The following ALX4 variants were observed in gnomAD, a reference collection of about 807,000 sequenced individuals.
ALX4 encodes the protein ALX homeobox 4, also known as homeobox protein aristaless-like 4.
ALX4 carries 22 observed loss-of-function variants against 40.6 expected under a neutral mutation model. That is an observed-to-expected ratio of 0.54 (90% CI 0.39 to 0.77). The LOEUF (loss-of-function observed/expected upper bound fraction) is 0.77. Ranked by LOEUF, ALX4 falls within the 30% of genes least tolerant of loss-of-function variation. The pLI is 0.00. For missense variants in ALX4, 556 were observed against 564.8 expected, an observed-to-expected ratio of 0.98 and a Z score of 0.16; for synonymous variants, 266 against 240.5, an observed-to-expected ratio of 1.11 and a Z score of -0.98.
intron 1 of ALX4, among the ~76,000 whole-genome samples, chr11:44,296,967 C>T (rs1424689893): frequency 6.9e-6 from 1 of 145,904 alleles, no homozygotes; most frequent in Non-Finnish European, 1.5e-5. Flanking sequence ...TGAGATTGCA[C>T]CATTTCATTC....
intron 1 of ALX4, among the ~76,000 whole-genome samples, chr11:44,286,332 T>C (rs1278929268): frequency 2.6e-5 from 4 of 151,494 alleles, no homozygotes; most frequent in African/African-American, 9.7e-5. Context: ...CAGGGAGGGG[T>C]ATGAGAAGAG....
At chr11:44,265,878 G>A (rs1300923399) in intron 3 of ALX4, among the ~76,000 whole-genome samples, 3 of 152,196 alleles carry the variant, frequency 2.0e-5, no homozygotes, top group Non-Finnish European at 1.5e-5. Flanking sequence ...TCTTCCATCT[G>A]TGCCACTGGG....
chr11:44,301,188 A>C (rs1379462321), intron 1 of ALX4, among the ~76,000 whole-genome samples: 1 of 152,244 alleles, frequency 6.6e-6, no homozygotes, highest in Non-Finnish European at 1.5e-5. Flanking sequence ...CTGTGAAATA[A>C]GACATGTGGG....
chr11:44,307,344 G>A (rs928571292), intron 1 of ALX4, among the ~76,000 whole-genome samples: 5 of 152,216 alleles, frequency 3.3e-5, no homozygotes, highest in Admixed American at 1.3e-4. Flanking sequence ...GGGCAGTAGC[G>A]GGTCAAGTGG....
chr11:44,307,536 G>A lies in ALX4; in HGVS notation c.466+2061C>T, dbSNP rs1417893613. On this transcript the variant is annotated intron_variant, in intron 1 of 3. Transcript: ENST00000652299. ...TCCTTAGGCTCTCTTCTTGCCTAAT[G>A]TATCAGCCTCTTCAGAGGTCTCACT... Among the ~76,000 whole-genome samples the A allele has an allele frequency of 2.0e-5, 3 of 152,244 alleles. No individual in the cohort carries two copies. In the East Asian group the frequency reaches 5.8e-4, roughly 29 times the overall value.
intron 1 of ALX4, among the ~76,000 whole-genome samples, chr11:44,295,244 G>A (rs1259041534): frequency 6.6e-6 from 1 of 152,174 alleles, no homozygotes; most frequent in African/African-American, 2.4e-5. Flanking sequence ...AGAAACTGAG[G>A]CAAAGAGGTC....
Position 44,307,773 on chromosome 11 carries a change from GAA to G in ALX4, c.466+1822_466+1823del, listed in dbSNP as rs35752761. 2.9e-3 allele frequency among the ~76,000 whole-genome samples: 438 copies of G among 152,292 alleles called. 6 individuals are homozygous for G. Among genetic ancestry groups the G allele is most frequent in the African/African-American group, 9.8e-3 (409 of 41,572 alleles). On this transcript the variant is annotated intron_variant, in intron 1 of 3. Coordinates refer to ENST00000652299, the MANE Select transcript of ALX4 (RefSeq NM_021926.4). ...TGAGAGTCTCTGCTGGCTTAGCACGGAAAGAGTGCCTGTATGAGAGCTGTGTG... is the reference window on the plus strand; with the variant it reads ...TGAGAGTCTCTGCTGGCTTAGCACGGAGAGTGCCTGTATGAGAGCTGTGTG...
At chr11:44,287,916 C>T (rs558619842) in intron 1 of ALX4, among the ~76,000 whole-genome samples, 3 of 152,358 alleles carry the variant, frequency 2.0e-5, no homozygotes, top group East Asian at 3.9e-4. Flanking sequence ...TCAGGGCCTA[C>T]ACACACTGAA....
chr11:44,271,324 T>G (rs889154746), intron 2 of ALX4, among the ~76,000 whole-genome samples: 2 of 152,068 alleles, frequency 1.3e-5, no homozygotes, highest in Non-Finnish European at 2.9e-5. Flanking sequence ...GACTCAGGAG[T>G]CCCGGATTCC....
rs544585965 is a variant in ALX4 at position 44,264,699 on chromosome 11, G to A, written c.*155C>T. ...TGCCCCCTCCCTCCCAGCAGTCCACGGGGCCTCAGACTTGGGGCGGCTGAA... is the reference window on the plus strand; with the variant it reads ...TGCCCCCTCCCTCCCAGCAGTCCACAGGGCCTCAGACTTGGGGCGGCTGAA... On this transcript the variant is annotated 3_prime_UTR_variant, in exon 4 of 4. Transcript: ENST00000652299. 64 of 816,156 alleles carry A rather than the reference G, an allele frequency of 7.8e-5. No homozygotes were observed. In the African/African-American group the frequency reaches 8.4e-4, roughly 11 times the overall value. The allele number at this position is 816,156 out of a possible 1,614,324, so 50.6% of individuals were successfully genotyped here.
At chr11:44,308,634 C>A (rs1312260652) in intron 1 of ALX4, among the ~76,000 whole-genome samples, 2 of 152,256 alleles carry the variant, frequency 1.3e-5, no homozygotes, top group Non-Finnish European at 2.9e-5. Flanking sequence ...GAGTGTCTCT[C>A]TCTCCCGGGC....
intron 1 of ALX4, among the ~76,000 whole-genome samples, chr11:44,304,312 A>G (rs2119903388): frequency 6.6e-6 from 1 of 152,288 alleles, no homozygotes; most frequent in Non-Finnish European, 1.5e-5. Flanking sequence ...CCCCACCCCA[A>G]ACCGTTGCCT....
At chr11:44,309,210 C>CCCCGCAGT (rs1183316671) in intron 1 of ALX4, among the ~76,000 whole-genome samples, 8 of 151,564 alleles carry the variant, frequency 5.3e-5, no homozygotes, top group African/African-American at 1.9e-4. Flanking sequence ...AGCCCCGCAG[C>CCCCGCAGT]CCCGCAGCCC....
At chr11:44,272,005 C>T (rs114359239) in intron 2 of ALX4, among the ~76,000 whole-genome samples, 2,035 of 152,348 alleles carry the variant, frequency 0.013, 47 homozygotes, top group African/African-American at 0.046. Flanking sequence ...TCTCTACCTA[C>T]ACCTGTGGGT....
chr11:44,271,313 C>A (rs573011469), intron 2 of ALX4, among the ~76,000 whole-genome samples: 1 of 152,226 alleles, frequency 6.6e-6, no homozygotes, highest in Admixed American at 6.5e-5. Flanking sequence ...CACTAGGCTG[C>A]GACTCAGGAG....
At chr11:44,279,880 G>A (rs1309132480) in intron 1 of ALX4, among the ~76,000 whole-genome samples, 1 of 151,934 alleles carries the variant, frequency 6.6e-6, no homozygotes, top group African/African-American at 2.4e-5. Context: ...GCTCAGCACA[G>A]GATAGGTCAG....
At chr11:44,280,463 C>T (rs1224446326) in intron 1 of ALX4, among the ~76,000 whole-genome samples, 2 of 152,218 alleles carry the variant, frequency 1.3e-5, no homozygotes, top group Non-Finnish European at 2.9e-5. Flanking sequence ...CAGCGCCCAG[C>T]GTGGGTCCAG....
chr11:44,278,587 G>A (rs150408637), intron 1 of ALX4, among the ~76,000 whole-genome samples: 97 of 152,322 alleles, frequency 6.4e-4, no homozygotes, highest in African/African-American at 2.2e-3. Flanking sequence ...TAAGGGTCCA[G>A]TTTTGCCCAC....
intron 1 of ALX4, among the ~76,000 whole-genome samples, chr11:44,297,968 T>A (rs2119874956): frequency 6.6e-6 from 1 of 152,284 alleles, no homozygotes; most frequent in East Asian, 1.9e-4. Context: ...GAAGCCCCAA[T>A]CCATTCACCT....
Sources: allele counts gnomAD v4.1 joint callset (sites outside exome capture counted in the v4.1 genomes callset), GRCh38; gene constraint gnomAD v4.1.1; transcripts MANE v1.5; gene names NCBI Gene and HGNC (gene_info 2026-07-23, HGNC 2026-07-21).